Variants in DPYSL2 observed in about 807,000 individuals in gnomAD.
DPYSL2 encodes the protein dihydropyrimidinase-related protein 2.
A neutral mutation model predicts 69.9 loss-of-function variants in DPYSL2; 13 were observed. The ratio of observed to expected loss-of-function variants is 0.19; its 90% CI spans 0.12 to 0.30. The LOEUF is 0.30. DPYSL2 is among the 10% of genes least tolerant of loss of function. The pLI is 1.00. For synonymous variants in DPYSL2, 326 were observed against 359.1 expected (o/e 0.91, Z 1.04); for missense variants, 587 against 918.9 (o/e 0.64, Z 4.67).
rs1255410231 is a variant in DPYSL2 at position 26,587,320 on chromosome 8, A to G, written c.628+3337A>G. Among the ~76,000 whole-genome samples, 2 of 152,154 alleles carry G rather than the reference A, an allele frequency of 1.3e-5. No individual in the cohort carries two copies. Among genetic ancestry groups the G allele is most frequent in the African/African-American group, 2.4e-5 (1 of 41,446 alleles). On this transcript the variant is annotated intron_variant, in intron 3 of 13. Coordinates refer to ENST00000521913, the MANE Select transcript of DPYSL2 (RefSeq NM_001197293.3). The surrounding 1 kb of genome is among the most constrained non-coding windows in gnomAD (Gnocchi z 4.2). ...CTTGCTGAAATAAAAAATTGAAGTG[A>G]ATTGGTACAAAAATCTCCCTCTTCC...
intron 1 of DPYSL2, among the ~76,000 whole-genome samples, chr8:26,525,252 C>T (rs1334648580): frequency 6.6e-6 from 1 of 152,132 alleles, no homozygotes; most frequent in Admixed American, 6.5e-5. Flanking sequence ...CAGGGTTTTA[C>T]TCTGTCACCC....
At chr8:26,618,255 T>C (rs1318127241) in intron 3 of DPYSL2, among the ~76,000 whole-genome samples, 11 of 152,166 alleles carry the variant, frequency 7.2e-5, no homozygotes, top group Non-Finnish European at 1.3e-4. Context: ...TGCCAGGTGC[T>C]TTTACCTACG....
Position 26,598,513 on chromosome 8 carries a change from T to G in DPYSL2, c.628+14530T>G, listed in dbSNP as rs1257055272. 1.3e-5 allele frequency among the ~76,000 whole-genome samples: 2 copies of G among 152,172 alleles called. No homozygotes were observed. Among genetic ancestry groups the G allele is most frequent in the Non-Finnish European group, 2.9e-5 (2 of 68,032 alleles). On this transcript the variant is annotated intron_variant, in intron 3 of 13. Transcript: ENST00000521913. The surrounding 1 kb of genome is among the most constrained non-coding windows in gnomAD (Gnocchi z 4.2). ...GTTGCTGTACTTAATGCTTCATGTT[T>G]TAGAATGTTAGTGCCAGCAGAAAGC...
chr8:26,611,715 T>C (rs944810933), intron 3 of DPYSL2, among the ~76,000 whole-genome samples: 2 of 152,226 alleles, frequency 1.3e-5, no homozygotes, highest in African/African-American at 4.8e-5. Context: ...AAGTTGGCTC[T>C]CCTTGCCTTC....
chr8:26,531,517 A>C (rs1238915373), intron 1 of DPYSL2, among the ~76,000 whole-genome samples: 1 of 152,160 alleles, frequency 6.6e-6, no homozygotes, highest in African/African-American at 2.4e-5. Context: ...TAGAAAGAAC[A>C]TGGATGTTGG....
At chr8:26,554,134 C>G (rs1156650166) in intron 1 of DPYSL2, among the ~76,000 whole-genome samples, 2 of 152,028 alleles carry the variant, frequency 1.3e-5, no homozygotes, top group African/African-American at 4.8e-5. Flanking sequence ...GTGATCCACC[C>G]GCCTTGGCCT....
rs1040114120 is a variant in DPYSL2 at position 26,597,491 on chromosome 8, T to C, written c.628+13508T>C. ...ATTTTTCTTTTCTTTTCTTTTTTTT[T>C]GGATACAGAGTCTCCCTCCGTTGCC... is the stretch of plus-strand genomic sequence containing the variant. On this transcript the variant is annotated intron_variant, in intron 3 of 13. Transcript: ENST00000521913. The surrounding 1 kb of genome is among the most constrained non-coding windows in gnomAD (Gnocchi z 5.2). 1.3e-5 allele frequency among the ~76,000 whole-genome samples: 2 copies of C among 152,158 alleles called. No individual in the cohort carries two copies. Among genetic ancestry groups the C allele is most frequent in the South Asian group, 4.2e-4 (2 of 4,814 alleles).
chr8:26,514,691 G>A lies in DPYSL2; in HGVS notation c.354+12G>A. 6 of 1,391,146 alleles carry A rather than the reference G, an allele frequency of 4.3e-6. No individual in the cohort carries two copies. The highest frequency in any genetic ancestry group is 5.6e-6 in the Non-Finnish European group (6 of 1,076,584). 86.2% of individuals were successfully genotyped at this position (1,391,146 alleles called of 1,614,324 possible). A position where few individuals can be genotyped will look rare whatever the true frequency, so the allele number is the denominator to read the frequency against. ...ACATCAACGACCAGGTCGGTGTGGG[G>A]GTTGGGGGTGGAGACGGAGGACGGG... On this transcript the variant is annotated intron_variant, in intron 1 of 13. Transcript: ENST00000521913. This position sits in a 1 kb window ranked among gnomAD's most constrained non-coding sequence, Gnocchi z 8.4.
At chr8:26,574,463 C>T (rs983480732) in intron 1 of DPYSL2, among the ~76,000 whole-genome samples, 1 of 152,042 alleles carries the variant, frequency 6.6e-6, no homozygotes, top group Non-Finnish European at 1.5e-5. Context: ...TGCAGAATGC[C>T]CGGGATGTTA....
At chr8:26,576,415 G>C (rs1318020574) in intron 1 of DPYSL2, among the ~76,000 whole-genome samples, 1 of 148,690 alleles carries the variant, frequency 6.7e-6, no homozygotes, top group South Asian at 2.1e-4. Flanking sequence ...TGTATCCTTC[G>C]ACCTCAAGCA....
chr8:26,514,755 C>A lies in DPYSL2; in HGVS notation c.354+76C>A. 4 of 1,278,964 alleles carry A rather than the reference C, an allele frequency of 3.1e-6. No individual in the cohort carries two copies. Among genetic ancestry groups the A allele is most frequent in the Non-Finnish European group, 4.1e-6 (4 of 987,582 alleles). The allele number at this position is 1,278,964 out of a possible 1,614,324, so 79.2% of individuals were successfully genotyped here. On this transcript the variant is annotated intron_variant, in intron 1 of 13. Transcript: ENST00000521913. The surrounding 1 kb of genome is among the most constrained non-coding windows in gnomAD (Gnocchi z 8.4). ...CCCTCCCTCGCCCCTGAGCCCGGCG[C>A]GCCCGCCTTCATGCCCCGCCCTGGA...
At chr8:26,536,658 G>A (rs1800597507) in intron 1 of DPYSL2, among the ~76,000 whole-genome samples, 1 of 150,550 alleles carries the variant, frequency 6.6e-6, no homozygotes, top group Non-Finnish European at 1.5e-5. Flanking sequence ...GTGACAGAGA[G>A]AGACTCCATC....
chr8:26,630,067 A>G (rs1394088928), intron 7 of DPYSL2, among the ~76,000 whole-genome samples: 1 of 152,222 alleles, frequency 6.6e-6, no homozygotes, highest in African/African-American at 2.4e-5. Flanking sequence ...ACAGGCACAG[A>G]CACGCACATA....
rs34936200 is a variant in DPYSL2, at chr8:26,558,505, T to C, written c.355-23464T>C. ...AGTGAAACTCTTCTACAAGATACTG[T>C]GGTGGTGGATACATCTTATTACCTT... is the stretch of plus-strand genomic sequence containing the variant. On this transcript the variant is annotated intron_variant, in intron 1 of 13. Transcript: ENST00000521913. 3.9e-5 allele frequency among the ~76,000 whole-genome samples: 6 copies of C among 152,324 alleles called. No individual in the cohort carries two copies. The East Asian group carries it at 1.2e-3, about 29-fold the overall frequency.
intron 1 of DPYSL2, among the ~76,000 whole-genome samples, chr8:26,570,385 T>C (rs1801217352): frequency 6.6e-6 from 1 of 152,186 alleles, no homozygotes; most frequent in African/African-American, 2.4e-5. Flanking sequence ...GCCGATCACC[T>C]GTGCCTACCT....
At chr8:26,559,560 G>A (rs187682668) in intron 1 of DPYSL2, among the ~76,000 whole-genome samples, 3 of 152,092 alleles carry the variant, frequency 2.0e-5, no homozygotes, top group Non-Finnish European at 1.5e-5. Context: ...ATATTTTCTT[G>A]TATTTATTGA....
In DPYSL2 at chr8:26,634,920, T is replaced by A; in HGVS notation, c.1126+20T>A. ...AGAAGGGTGAGTGCTGTGGCCGGAC[T>A]GGCTGATGGCAGGTGGGGAGGTTTG... On this transcript the variant is annotated intron_variant, in intron 8 of 13. Coordinates refer to ENST00000521913, the MANE Select transcript of DPYSL2 (RefSeq NM_001197293.3). 6.2e-7 allele frequency: 1 copy of A among 1,613,580 alleles called. No individual in the cohort carries two copies. The highest frequency in any genetic ancestry group is 8.5e-7 in the Non-Finnish European group (1 of 1,179,664).
chr8:26,561,390 T>G (rs899297542), intron 1 of DPYSL2, among the ~76,000 whole-genome samples: 1 of 152,280 alleles, frequency 6.6e-6, no homozygotes, highest in East Asian at 1.9e-4. Context: ...TTAATTACCA[T>G]CCATGAGTGG....
At chr8:26,548,637 C>T (rs1258734411) in intron 1 of DPYSL2, among the ~76,000 whole-genome samples, 2 of 151,914 alleles carry the variant, frequency 1.3e-5, no homozygotes, top group Admixed American at 6.6e-5. Flanking sequence ...AATCCCAGCA[C>T]TTTGGGAGTC....
Sources: allele counts gnomAD v4.1 joint callset (sites outside exome capture counted in the v4.1 genomes callset), GRCh38; gene constraint gnomAD v4.1.1; non-coding constraint Gnocchi (gnomAD v3.1); transcripts MANE v1.5; gene names NCBI Gene and HGNC (gene_info 2026-07-23, HGNC 2026-07-21).